The following SDHD variants were observed in gnomAD, a reference collection of about 807,000 sequenced individuals.
The protein encoded by SDHD is succinate dehydrogenase [ubiquinone] cytochrome b small subunit, mitochondrial.
Under a neutral mutation model 18.7 loss-of-function variants are expected in SDHD, and 6 were observed. The observed-to-expected ratio is 0.32, with a 90% CI of 0.18 to 0.63. The LOEUF (loss-of-function observed/expected upper bound fraction) is 0.63, where lower values mean the gene tolerates loss of function less well. Among genes scored for constraint, SDHD ranks in the 30% least tolerant of loss-of-function variants. SDHD has a pLI of 0.79. For missense variants in SDHD, 160 were observed against 192.7 expected, an observed-to-expected ratio of 0.83 and a Z score of 1.00; for synonymous variants, 56 against 73.9, an observed-to-expected ratio of 0.76 and a Z score of 1.24.
chr11:112,095,421 CCT>C lies in SDHD; in HGVS notation c.*456_*457del, dbSNP rs971737341. The C allele has an allele frequency of 2.5e-5, 7 of 284,316 alleles. No homozygotes were observed. Among genetic ancestry groups the C allele is most frequent in the African/African-American group, 1.3e-4 (6 of 46,658 alleles). 17.6% of individuals were successfully genotyped at this position (284,316 alleles called of 1,614,324 possible). On this transcript the variant is annotated 3_prime_UTR_variant, in exon 4 of 4. Transcript: ENST00000375549. ...ACAGTGTTTAATTTTCGAAAACTTC[CCT>C]CTCTAGACAGTAGATACCACCTACT...
rs778883484 is a variant in SDHD at position 112,095,020 on chromosome 11, G to A, written c.*50G>A. On this transcript the variant is annotated 3_prime_UTR_variant, in exon 4 of 4. Coordinates refer to ENST00000375549, the MANE Select transcript of SDHD (RefSeq NM_003002.4). ...AATTGATGTATGCCTCTTTGCCTCT[G>A]CTTTGTCATGCCATTAAGCTCACAA... 13 of 1,475,082 alleles carry A rather than the reference G, an allele frequency of 8.8e-6. No homozygotes were observed. In the Admixed American group the frequency reaches 2.2e-4, roughly 25 times the overall value. The allele number at this position is 1,475,082 out of a possible 1,614,324, so 91.4% of individuals were successfully genotyped here. A position where few individuals can be genotyped will look rare whatever the true frequency, so the allele number is the denominator to read the frequency against.
At position 112,086,931 on chromosome 11, in the gene SDHD, T is replaced by G. The variant is rs11550094; in HGVS notation, c.24T>G (p.Ser8Arg). 1.9e-6 allele frequency: 3 copies of G among 1,614,088 alleles called. No individual in the cohort carries two copies. Among genetic ancestry groups the G allele is most frequent in the African/African-American group, 1.3e-5 (1 of 74,924 alleles). ...AGATGGCGGTTCTCTGGAGGCTGAG[T>G]GCCGTTTGCGGTGCCCTAGGAGGCC... is the stretch of plus-strand genomic sequence containing the variant. MAVLWRL[S>R]AVCGALGGRA... is the part of the protein sequence containing the mutation. Residue 8 changes from serine (S) to arginine (R), a missense_variant, in exon 1 of 4, where the codon AGT (serine) becomes AGG (arginine). By Grantham distance (110) the Ser-to-Arg change is moderately radical (BLOSUM62 -1). Coordinates refer to ENST00000375549, the MANE Select transcript of SDHD (RefSeq NM_003002.4).
At chr11:112,091,892 C>A (rs941370157) in intron 3 of SDHD, among the ~76,000 whole-genome samples, 7 of 152,278 alleles carry the variant, frequency 4.6e-5, no homozygotes, top group Admixed American at 1.3e-4. Flanking sequence ...TATGGTGAAA[C>A]CTTGTCTCTA....
chr11:112,087,784 T>A (rs1157428442), intron 1 of SDHD, 73 bp from the exon 2 acceptor site: 1 of 918,930 alleles, frequency 1.1e-6, no homozygotes, highest in Non-Finnish European at 1.8e-6. Context: ...AGCTTACCTA[T>A]GGTCATTTAG....
chr11:112,092,411 C>T (rs143805641), intron 3 of SDHD, among the ~76,000 whole-genome samples: 4 of 152,260 alleles, frequency 2.6e-5, no homozygotes, highest in African/African-American at 9.6e-5. Flanking sequence ...CTCTGTCCCC[C>T]ACCCACTCTG....
At chr11:112,093,541 A>G (rs1380612590) in intron 3 of SDHD, among the ~76,000 whole-genome samples, 3 of 152,208 alleles carry the variant, frequency 2.0e-5, no homozygotes, top group Non-Finnish European at 4.4e-5. Flanking sequence ...AGTGGATTAT[A>G]TACTAAAAAG....
intron 3 of SDHD, among the ~76,000 whole-genome samples, chr11:112,092,009 A>G (rs907401300): frequency 1.3e-5 from 2 of 152,202 alleles, no homozygotes; most frequent in East Asian, 3.9e-4. Flanking sequence ...TGGAGGTTGT[A>G]GTGAGCCAAG....
rs185460238 is a variant in SDHD, at chr11:112,092,807, C to T, written c.315-1998C>T. 2.6e-3 allele frequency among the ~76,000 whole-genome samples: 398 copies of T among 152,222 alleles called. 5 individuals carry two copies. The highest frequency in any genetic ancestry group is 9.1e-3 in the African/African-American group (376 of 41,526). ...ACTGAAAACGTGTCCACGCAAAAAA[C>T]TTGTACAGGAATGATCATAGCAGCA... On this transcript the variant is annotated intron_variant, in intron 3 of 3. Transcript: ENST00000375549.
chr11:112,088,118 G>T (rs1865661382), intron 2 of SDHD, 145 bp downstream of exon 2: 3 of 758,292 alleles, frequency 4.0e-6, no homozygotes, highest in Non-Finnish European at 7.2e-6. Flanking sequence ...ACACCTTTGG[G>T]CAGACAGTGC....
chr11:112,088,210 T>C, intron 2 of SDHD: 1 of 497,890 alleles, frequency 2.0e-6, no homozygotes, highest in Non-Finnish European at 3.5e-6. Flanking sequence ...TTTGTTTTCT[T>C]TTTTTTTGAG....
chr11:112,087,093 T>C, intron 1 of SDHD, 134 bp downstream of exon 1: 1 of 978,480 alleles, frequency 1.0e-6, no homozygotes, highest in Non-Finnish European at 1.6e-6. Flanking sequence ...ATGACCACTG[T>C]AGTCTAGGGG....
intron 2 of SDHD, 43 bp from the exon 3 acceptor site, chr11:112,088,824 G>A: frequency 6.2e-7 from 1 of 1,610,874 alleles, no homozygotes; most frequent in Non-Finnish European, 8.5e-7. Context: ...TGAAAGATGT[G>A]TGTTTCTCAC....
At chr11:112,094,201 C>T (rs1234712035) in intron 3 of SDHD, among the ~76,000 whole-genome samples, 3 of 151,910 alleles carry the variant, frequency 2.0e-5, no homozygotes, top group Non-Finnish European at 4.4e-5. Flanking sequence ...AGTTCGAGAC[C>T]AGCCTGGCCA....
chr11:112,094,270 C>T (rs868005817), intron 3 of SDHD, among the ~76,000 whole-genome samples: 4 of 151,874 alleles, frequency 2.6e-5, no homozygotes, highest in East Asian at 1.9e-4. Context: ...TGGTGGTGGG[C>T]GCCTGTAGTC....
chr11:112,091,784 G>T (rs1865749657), intron 3 of SDHD, among the ~76,000 whole-genome samples: 1 of 152,030 alleles, frequency 6.6e-6, no homozygotes, highest in Admixed American at 6.6e-5. Context: ...AAAATAGTCT[G>T]AATCGGCCAG....
At position 112,087,847 on chromosome 11, in the gene SDHD, C is replaced by T. The variant is rs201350484; in HGVS notation, c.53-10C>T. The T allele has an allele frequency of 6.3e-7, 1 of 1,581,792 alleles. No individual in the cohort carries two copies. Among genetic ancestry groups the T allele is most frequent in the South Asian group, 1.1e-5 (1 of 90,448 alleles). On this transcript the variant is annotated splice_polypyrimidine_tract_variant and intron_variant, in intron 1 of 3. Transcript: ENST00000375549. ...GGTTCTTATGATCATCCTAATGACT[C>T]TTTCCTCAGCTCTGTTGCTTCGAAC...
chr11:112,087,868 C>T lies in SDHD; in HGVS notation c.64C>T (p.Arg22Ter), dbSNP rs104894306. 6.2e-7 allele frequency: 1 copy of T among 1,611,878 alleles called. No individual in the cohort carries two copies. Among genetic ancestry groups the T allele is most frequent in the Non-Finnish European group, 8.5e-7 (1 of 1,178,092 alleles). The stretch of plus-strand genomic sequence containing the variant: ...GACTCTTTCCTCAGCTCTGTTGCTT[C>T]GAACTCCAGTGGTCAGACCTGCTCA... ...GALGGRALLL[R>*]TPVVRPAHIS... The change falls in exon 2 of 4, where the codon CGA becomes TGA. Residue 22 changes from arginine (R) to a stop codon, truncating the protein, a stop_gained. Coordinates refer to ENST00000375549, the MANE Select transcript of SDHD (RefSeq NM_003002.4). LOFTEE classifies it high-confidence loss of function.
intron 3 of SDHD, among the ~76,000 whole-genome samples, chr11:112,090,717 G>A (rs1201967104): frequency 8.7e-5 from 13 of 149,774 alleles, no homozygotes; most frequent in Admixed American, 8.7e-4. Context: ...TTTTTTTTTG[G>A]GACGGAGTCT....
chr11:112,088,748 C>G, intron 2 of SDHD, 119 bp from the exon 3 acceptor site: 1 of 1,101,036 alleles, frequency 9.1e-7, no homozygotes, highest in Non-Finnish European at 1.4e-6. Flanking sequence ...TTCCTTTGTA[C>G]TCAGAGTTAT....
Sources: gnomAD v4.1 joint callset for allele counts (sites outside exome capture counted in the v4.1 genomes callset) on GRCh38, gnomAD v4.1.1 for gene constraint, MANE v1.5 for transcripts, NCBI Gene and HGNC (gene_info 2026-07-23, HGNC 2026-07-21) for gene names.